The following GPATCH2L variants were observed in gnomAD, a reference collection of about 807,000 sequenced individuals.
The protein encoded by GPATCH2L is G patch domain-containing protein 2-like.
Under a neutral mutation model 57.4 loss-of-function variants are expected in GPATCH2L, and 31 were observed. That is an observed-to-expected ratio of 0.54 (90% CI 0.41 to 0.73). GPATCH2L has a LOEUF of 0.73. Ranked by LOEUF, GPATCH2L falls within the 30% of genes least tolerant of loss-of-function variation. The probability of loss-of-function intolerance (pLI) is 0.00; values close to 1 mark genes in which losing one functional copy is unlikely to be tolerated. For synonymous variants in GPATCH2L, 199 were observed against 210.7 expected (o/e 0.94, Z 0.48); for missense variants, 481 against 599.9 (o/e 0.80, Z 2.07).
In GPATCH2L at chr14:76,207,550, A is replaced by G. The variant is rs984985978; in HGVS notation, c.*5699A>G. On this transcript the variant is annotated 3_prime_UTR_variant, in exon 10 of 10. Coordinates refer to ENST00000261530, the MANE Select transcript of GPATCH2L (RefSeq NM_017926.4). ...AAAATGAAAAAAAAAATTGGAAGAA[A>G]AAAACACCTTGGGTACATAGATGTG... The G allele has an allele frequency of 1.3e-5, 2 of 152,174 alleles. No homozygotes were observed. Among genetic ancestry groups the G allele is most frequent in the Admixed American group, 6.5e-5 (1 of 15,276 alleles). 9.4% of individuals were successfully genotyped at this position (152,174 alleles called of 1,614,324 possible).
In GPATCH2L at chr14:76,171,948, A is replaced by G. The variant is rs748595804; in HGVS notation, c.833A>G (p.Glu278Gly). 1.2e-6 allele frequency: 2 copies of G among 1,611,912 alleles called. No homozygotes were observed. The highest frequency in any genetic ancestry group is 1.7e-5 in the Admixed American group (1 of 59,934). The change falls in exon 4 of 10, where the codon GAA becomes GGA. Residue 278 changes from glutamate (E) to glycine (G), a missense_variant. Around this residue, in one of 3 missense-constraint regions of GPATCH2L, gnomAD observed 248 missense variants for 270.5 expected, o/e 0.92. Transcript: ENST00000261530. The stretch of plus-strand genomic sequence containing the variant: ...GCTCCTGATCATTGTTCTGAAGTAG[A>G]AAGAATGGATTCTGGATTGGATAAA... ...KWAPDHCSEV[E>G]RMDSGLDKFS...
At chr14:76,187,623 G>A (rs1385411966) in intron 8 of GPATCH2L, among the ~76,000 whole-genome samples, 5 of 151,866 alleles carry the variant, frequency 3.3e-5, no homozygotes, top group Admixed American at 3.3e-4. Flanking sequence ...ATATACTTAT[G>A]GGGTACATGA....
At chr14:76,163,699 G>A (rs984520052) in intron 2 of GPATCH2L, among the ~76,000 whole-genome samples, 5 of 152,128 alleles carry the variant, frequency 3.3e-5, no homozygotes, top group Admixed American at 1.3e-4. Context: ...TTCACAAAGC[G>A]GGGTCACATG....
At chr14:76,173,830 G>T in intron 5 of GPATCH2L, 3 of 443,178 alleles carry the variant, frequency 6.8e-6, no homozygotes, top group Admixed American at 4.3e-5. Context: ...TCATATAGAA[G>T]TACTGACAAA....
intron 3 of GPATCH2L, 64 bp downstream of exon 3, chr14:76,166,791 G>C (rs2038861921): frequency 9.0e-7 from 1 of 1,112,118 alleles, no homozygotes; most frequent in East Asian, 2.4e-5. Flanking sequence ...AATAATCATA[G>C]GAGTGACTCA....
At chr14:76,219,681 TACAG>T (rs2040505607) in intron 1 of GPATCH2L, among the ~76,000 whole-genome samples, 1 of 152,132 alleles carries the variant, frequency 6.6e-6, no homozygotes, top group Non-Finnish European at 1.5e-5. Flanking sequence ...AGGTCATACA[TACAG>T]ACAGACCCAG....
At chr14:76,221,625 G>A (rs1180559233) in intron 1 of GPATCH2L, among the ~76,000 whole-genome samples, 1 of 152,162 alleles carries the variant, frequency 6.6e-6, no homozygotes, top group African/African-American at 2.4e-5. Flanking sequence ...GGTACATGCA[G>A]GCAATGGAAT....
At chr14:76,182,200 A>G (rs1452114506) in intron 8 of GPATCH2L, among the ~76,000 whole-genome samples, 1 of 151,918 alleles carries the variant, frequency 6.6e-6, no homozygotes, top group Admixed American at 6.5e-5. Context: ...TACTAAAAAT[A>G]CAAAAAATTA....
In GPATCH2L at chr14:76,172,013, C is replaced by T; in HGVS notation, c.898C>T (p.Gln300Ter). 2 of 1,604,960 alleles carry T rather than the reference C, an allele frequency of 1.2e-6. No individual in the cohort carries two copies. Among genetic ancestry groups the T allele is most frequent in the South Asian group, 2.2e-5 (2 of 89,556 alleles). The change falls in exon 4 of 10, where the codon CAA becomes TAA. Residue 300 changes from glutamine (Q) to a stop codon, truncating the protein, a stop_gained. Coordinates refer to ENST00000261530, the MANE Select transcript of GPATCH2L (RefSeq NM_017926.4). LOFTEE classifies it high-confidence loss of function. ...ATTCCTTTTACCTTCTCGGCCAGCT[C>T]AAAGAGGTGAGTTCTGAGGAGACCA... The part of the protein sequence containing the change: ...STFLLPSRPA[Q>*]RGYHTRLNRL...
intron 2 of GPATCH2L, among the ~76,000 whole-genome samples, chr14:76,163,201 C>G (rs1325420881): frequency 1.3e-5 from 2 of 152,182 alleles, no homozygotes; most frequent in Admixed American, 1.3e-4. Flanking sequence ...CATACTTTCT[C>G]TAAGCCCCTT....
chr14:76,188,311 G>A (rs1026884138), intron 8 of GPATCH2L, among the ~76,000 whole-genome samples: 1 of 152,026 alleles, frequency 6.6e-6, no homozygotes, highest in African/African-American at 2.4e-5. Context: ...CTGCATAGTG[G>A]TTGTACTAAT....
chr14:76,172,068 G>A, intron 4 of GPATCH2L, 49 bp downstream of exon 4: 1 of 1,253,546 alleles, frequency 8.0e-7, no homozygotes. Flanking sequence ...GTTCTCCTTG[G>A]GCAGAGCAAT....
At chr14:76,222,979 A>AG (rs2040522392) in intron 1 of GPATCH2L, among the ~76,000 whole-genome samples, 1 of 152,026 alleles carries the variant, frequency 6.6e-6, no homozygotes, top group African/African-American at 2.4e-5. Context: ...AAAGAAAGAA[A>AG]AAAAAGTTGA....
chr14:76,155,034 T>C lies in GPATCH2L; in HGVS notation c.662+9T>C. ...GAGAACATGTCAGAATGGTGAGATCTCCCTTACTAAGTCAAAGATTTTCCT... is the reference window on the plus strand; with the variant it reads ...GAGAACATGTCAGAATGGTGAGATCCCCCTTACTAAGTCAAAGATTTTCCT... On this transcript the variant is annotated intron_variant, in intron 2 of 9. Transcript: ENST00000261530. The C allele has an allele frequency of 6.3e-7, 1 of 1,595,246 alleles. No homozygotes were observed. The highest frequency in any genetic ancestry group is 8.5e-7 in the Non-Finnish European group (1 of 1,171,160).
chr14:76,154,173 T>A lies in GPATCH2L; in HGVS notation c.-10-181T>A. 1 of 520,630 alleles carries A rather than the reference T, an allele frequency of 1.9e-6. No homozygotes were observed. Among genetic ancestry groups the A allele is most frequent in the Non-Finnish European group, 3.4e-6 (1 of 296,624 alleles). 32.3% of individuals were successfully genotyped at this position (520,630 alleles called of 1,614,324 possible). On this transcript the variant is annotated intron_variant, in intron 1 of 9. Transcript: ENST00000261530. This position sits in a 1 kb window ranked among gnomAD's most constrained non-coding sequence, Gnocchi z 4.4. ...ATCTATTTTTAGTGACTTAAGGAAG[T>A]GGTAGGAACAGAATCTAAGTGTAGC...
chr14:76,224,234 A>G (rs534935713), intron 1 of GPATCH2L, among the ~76,000 whole-genome samples: 2 of 152,180 alleles, frequency 1.3e-5, no homozygotes, highest in Non-Finnish European at 2.9e-5. Context: ...GCCAATGGGA[A>G]AAGGGGAATG....
intron 4 of GPATCH2L, among the ~76,000 whole-genome samples, chr14:76,172,469 C>A (rs1357424301): frequency 6.6e-6 from 1 of 152,038 alleles, no homozygotes; most frequent in East Asian, 1.9e-4. Context: ...TTTTAATGAC[C>A]CTATTGGGAC....
rs2040452180 is a variant in GPATCH2L at position 76,212,433 on chromosome 14, A to G, written c.*10582A>G. On this transcript the variant is annotated 3_prime_UTR_variant, in exon 10 of 10. Transcript: ENST00000261530. ...AAAAACCAAAAAAAACCACGACATA[A>G]TGCTAAAGGGTGTGACTCACGAGAT... 1 of 152,078 alleles carries G rather than the reference A, an allele frequency of 6.6e-6. No homozygotes were observed. Among genetic ancestry groups the G allele is most frequent in the Non-Finnish European group, 1.5e-5 (1 of 67,998 alleles). 9.4% of individuals were successfully genotyped at this position (152,078 alleles called of 1,614,324 possible). A position where few individuals can be genotyped will look rare whatever the true frequency, so the allele number is the denominator to read the frequency against.
chr14:76,205,791 C>T lies in GPATCH2L; in HGVS notation c.*3940C>T, dbSNP rs1328191664. On this transcript the variant is annotated 3_prime_UTR_variant, in exon 10 of 10. Coordinates refer to ENST00000261530, the MANE Select transcript of GPATCH2L (RefSeq NM_017926.4). ...TGATGCGATGGGTTCTCCACTTTGGCTCCAGGCGAAGGCTCCTGGTGGTGA... is the reference window on the plus strand; with the variant it reads ...TGATGCGATGGGTTCTCCACTTTGGTTCCAGGCGAAGGCTCCTGGTGGTGA... The T allele has an allele frequency of 6.6e-6, 1 of 152,326 alleles. No homozygotes were observed. The highest frequency in any genetic ancestry group is 1.9e-4 in the East Asian group (1 of 5,196). 9.4% of individuals were successfully genotyped at this position (152,326 alleles called of 1,614,324 possible).
Sources: gnomAD v4.1 joint callset for allele counts (sites outside exome capture counted in the v4.1 genomes callset) on GRCh38, gnomAD v4.1.1 for gene constraint, gnomAD v4.1.1 regional missense constraint, Gnocchi (gnomAD v3.1) non-coding constraint, MANE v1.5 for transcripts, NCBI Gene and HGNC (gene_info 2026-07-23, HGNC 2026-07-21) for gene names.